Variants in KIF21B observed in about 807,000 individuals in gnomAD.
The protein encoded by KIF21B is kinesin-like protein KIF21B.
A neutral mutation model predicts 192.9 loss-of-function variants in KIF21B; 85 were observed. That is an observed-to-expected ratio of 0.44 (90% CI 0.37 to 0.53). The LOEUF is 0.53. Among genes scored for constraint, KIF21B ranks in the 20% least tolerant of loss-of-function variants. The pLI is 0.00. For missense variants in KIF21B, 1,716 were observed against 2,194.8 expected (o/e 0.78, Z 4.36); for synonymous variants, 832 against 884.6 (o/e 0.94, Z 1.05).
rs527300594 is a variant in KIF21B, at chr1:200,977,386, G to A, written c.4161-10C>T. ...CACCTGGCCCGAGGACCTGCCCATCGGAGAAAGGCAAGGCCAGAGGTCAAA... is the reference window on the plus strand; with the variant it reads ...CACCTGGCCCGAGGACCTGCCCATCAGAGAAAGGCAAGGCCAGAGGTCAAA... On this transcript the variant is annotated splice_polypyrimidine_tract_variant and intron_variant, in intron 30 of 34. Coordinates refer to ENST00000461742, the MANE Select transcript of KIF21B (RefSeq NM_001252102.2). 25 of 1,612,798 alleles carry A rather than the reference G, an allele frequency of 1.6e-5. No homozygotes were observed. Among genetic ancestry groups the A allele is most frequent in the Middle Eastern group, 3.3e-4 (2 of 6,058 alleles).
intron 7 of KIF21B, among the ~76,000 whole-genome samples, chr1:201,004,013 G>C (rs1431200526): frequency 2.6e-5 from 4 of 152,228 alleles, no homozygotes. Flanking sequence ...TGGGGAGGTG[G>C]TGATGCATAA....
chr1:201,000,477 G>C lies in KIF21B; in HGVS notation c.1598C>G (p.Ser533Cys), dbSNP rs1444354136. ...GATCACCTCCGAGGCATCCTCCATG[G>C]AGCTGGCAGGGCTGCCCCCGAAGGC... ...APAFGGSPASSMEDASEVIRR... is the reference protein window; with the variant it reads ...APAFGGSPASCMEDASEVIRR... Residue 533 changes from serine (S) to cysteine (C), a missense_variant, in exon 11 of 35, where the codon TCC becomes TGC. This residue lies in a region of KIF21B where 1,087 missense variants were observed against 1,316.6 expected (regional missense o/e 0.83). Transcript: ENST00000461742. The surrounding 1 kb of genome is among the most constrained non-coding windows in gnomAD (Gnocchi z 6.0). The C allele has an allele frequency of 6.2e-7, 1 of 1,604,842 alleles. No homozygotes were observed. The highest frequency in any genetic ancestry group is 1.7e-5 in the Admixed American group (1 of 58,148).
At chr1:201,014,552 C>G (rs1384334868) in intron 1 of KIF21B, among the ~76,000 whole-genome samples, 1 of 152,208 alleles carries the variant, frequency 6.6e-6, no homozygotes, top group African/African-American at 2.4e-5. Flanking sequence ...CCCTCTCCCG[C>G]GGGCTTAGGA....
chr1:201,012,073 G>A (rs1246839186), intron 1 of KIF21B, among the ~76,000 whole-genome samples: 1 of 152,226 alleles, frequency 6.6e-6, no homozygotes, highest in African/African-American at 2.4e-5. Flanking sequence ...GGAGACCCCA[G>A]GGTTTTAGGG....
intron 15 of KIF21B, among the ~76,000 whole-genome samples, chr1:200,995,306 G>GCCACCAGTGCC: frequency 6.6e-6 from 1 of 152,186 alleles, no homozygotes; most frequent in Non-Finnish European, 1.5e-5. Flanking sequence ...TACTGGGGCT[G>GCCACCAGTGCC]CCACCAGTGC....
At chr1:200,995,985 C>T (rs1321686788) in intron 15 of KIF21B, among the ~76,000 whole-genome samples, 3 of 152,330 alleles carry the variant, frequency 2.0e-5, no homozygotes, top group Non-Finnish European at 2.9e-5. Flanking sequence ...CGCACACTGG[C>T]CCCACTACTG....
chr1:201,002,109 G>T, intron 9 of KIF21B, 52 bp downstream of exon 9: 1 of 1,522,314 alleles, frequency 6.6e-7, no homozygotes, highest in Non-Finnish European at 9.1e-7. Context: ...TGTCGGGGGA[G>T]GGAGTCCTAG....
chr1:201,019,726 C>T lies in KIF21B; in HGVS notation c.41+3617G>A, dbSNP rs530646054. On this transcript the variant is annotated intron_variant, in intron 1 of 34. Coordinates refer to ENST00000461742, the MANE Select transcript of KIF21B (RefSeq NM_001252102.2). The stretch of plus-strand genomic sequence containing the variant: ...GCCACCACCAAGATTCTCAGGTCTC[C>T]ACACAGCCCACATGAGGCCCTGTAT... Among the ~76,000 whole-genome samples, 360 of 152,224 alleles carry T rather than the reference C, an allele frequency of 2.4e-3. 1 individual carries two copies. Among genetic ancestry groups the T allele is most frequent in the African/African-American group, 8.4e-3 (347 of 41,518 alleles).
intron 3 of KIF21B, 91 bp from the exon 4 acceptor site, chr1:201,005,785 A>G: frequency 1.5e-6 from 2 of 1,349,892 alleles, no homozygotes; most frequent in East Asian, 4.7e-5. Flanking sequence ...TGTTTTACAG[A>G]TGTGGAAACT....
Position 200,990,612 on chromosome 1 carries a change from A to G in KIF21B, c.2799T>C (p.Ile933=). The change falls in exon 19 of 35, where the codon ATT becomes ATC. Residue 933 remains isoleucine (I), a synonymous_variant. Transcript: ENST00000461742. The surrounding 1 kb of genome is among the most constrained non-coding windows in gnomAD (Gnocchi z 5.4). ...IIDIVMQRMT[I]VNLEADMERL... ...GCTCCATGTCAGCCTCCAGGTTGACAATGGTCATTCTCTGCATGACGATGT... is the reference window on the plus strand; with the variant it reads ...GCTCCATGTCAGCCTCCAGGTTGACGATGGTCATTCTCTGCATGACGATGT... The G allele has an allele frequency of 6.2e-7, 1 of 1,614,146 alleles. No individual in the cohort carries two copies.
chr1:200,977,373 G>A lies in KIF21B; in HGVS notation c.4164C>T (p.Ser1388=), dbSNP rs1655628578. ...DSAKCIRTLT[S]SGQVISGDAC... ...CATCCCCTGAGATCACCTGGCCCGA[G>A]GACCTGCCCATCGGAGAAAGGCAAG... The change falls in exon 31 of 35, where the codon TCC becomes TCT. Residue 1388 remains serine, a synonymous_variant. Transcript: ENST00000461742. 6.2e-7 allele frequency: 1 copy of A among 1,613,670 alleles called. No individual in the cohort carries two copies. Among genetic ancestry groups the A allele is most frequent in the South Asian group, 1.1e-5 (1 of 91,082 alleles).
At chr1:201,006,514 C>A (rs1417982969) in intron 3 of KIF21B, among the ~76,000 whole-genome samples, 4 of 152,004 alleles carry the variant, frequency 2.6e-5, no homozygotes, top group African/African-American at 7.3e-5. Flanking sequence ...GCTTTGACAG[C>A]CCTAAAGGGA....
At position 201,017,059 on chromosome 1, in the gene KIF21B, C is replaced by T. The variant is rs1010634277; in HGVS notation, c.41+6284G>A. Among the ~76,000 whole-genome samples the T allele has an allele frequency of 2.6e-5, 4 of 152,068 alleles. No homozygotes were observed. Among genetic ancestry groups the T allele is most frequent in the African/African-American group, 9.7e-5 (4 of 41,378 alleles). On this transcript the variant is annotated intron_variant, in intron 1 of 34. Coordinates refer to ENST00000461742, the MANE Select transcript of KIF21B (RefSeq NM_001252102.2). This position sits in a 1 kb window ranked among gnomAD's most constrained non-coding sequence, Gnocchi z 4.1. ...CCCCCTCCTCTTGAGTGTCCTTGACCTTACTAGGGTCTTGGCCACTGGCTT... is the reference window on the plus strand; with the variant it reads ...CCCCCTCCTCTTGAGTGTCCTTGACTTTACTAGGGTCTTGGCCACTGGCTT...
intron 21 of KIF21B, among the ~76,000 whole-genome samples, chr1:200,989,325 C>T (rs185060640): frequency 2.0e-5 from 3 of 152,258 alleles, no homozygotes; most frequent in South Asian, 2.1e-4. Flanking sequence ...AGACACAAAG[C>T]GGAGCTGAGA....
In KIF21B at chr1:200,979,817, C is replaced by T. The variant is rs1260966136; in HGVS notation, c.3980-102G>A. The T allele has an allele frequency of 3.3e-5, 31 of 930,082 alleles. No individual in the cohort carries two copies. The East Asian group carries it at 6.4e-4, about 19-fold the overall frequency. The allele number at this position is 930,082 out of a possible 1,614,324, so 57.6% of individuals were successfully genotyped here. A position where few individuals can be genotyped will look rare whatever the true frequency, so the allele number is the denominator to read the frequency against. ...GCTGCCCAGGATAGGGGAAAGGGATCCACAGGGCTCCAGAGGACGGAGCTC... is the reference window on the plus strand; with the variant it reads ...GCTGCCCAGGATAGGGGAAAGGGATTCACAGGGCTCCAGAGGACGGAGCTC... On this transcript the variant is annotated intron_variant, in intron 29 of 34. Transcript: ENST00000461742.
rs139203326 is a variant in KIF21B at position 200,991,460 on chromosome 1, T to C, written c.2454+197A>G. ...CAATTTGGACACCAAATATGCTTGC[T>C]GAATGGAAGGAGGGAGAGCCAGGGC... On this transcript the variant is annotated intron_variant, in intron 17 of 34. Transcript: ENST00000461742. 3.8e-3 allele frequency among the ~76,000 whole-genome samples: 574 copies of C among 152,344 alleles called. 22 individuals carry two copies. Among genetic ancestry groups the C allele is most frequent in the Admixed American group, 0.034 (522 of 15,298 alleles).
chr1:200,990,376 C>T lies in KIF21B; in HGVS notation c.2836-44G>A. ...GTGGTGATTGTGATGAAGGAGAGGCCTCAGGTAGCTGCCAAGCCCTGCCCA... is the reference window on the plus strand; with the variant it reads ...GTGGTGATTGTGATGAAGGAGAGGCTTCAGGTAGCTGCCAAGCCCTGCCCA... On this transcript the variant is annotated intron_variant, in intron 19 of 34. Transcript: ENST00000461742. The surrounding 1 kb of genome is among the most constrained non-coding windows in gnomAD (Gnocchi z 5.4). 1 of 1,549,534 alleles carries T rather than the reference C, an allele frequency of 6.5e-7. No individual in the cohort carries two copies. Among genetic ancestry groups the T allele is most frequent in the South Asian group, 1.2e-5 (1 of 84,704 alleles).
At chr1:201,019,241 A>AT (rs59608162) in intron 1 of KIF21B, among the ~76,000 whole-genome samples, 5,835 of 152,096 alleles carry the variant, frequency 0.038, 246 homozygotes, top group East Asian at 0.12. Context: ...CCTAGGACCC[A>AT]TTTTTTTTAA....
chr1:201,009,554 TCA>T, intron 1 of KIF21B, 66 bp from the exon 2 acceptor site: 1 of 1,439,664 alleles, frequency 6.9e-7, no homozygotes. Flanking sequence ...GGCCCCTCCC[TCA>T]CACTGCCTGC....
Sources: allele counts gnomAD v4.1 joint callset (sites outside exome capture counted in the v4.1 genomes callset), GRCh38; gene constraint gnomAD v4.1.1; regional missense constraint gnomAD v4.1.1; non-coding constraint Gnocchi (gnomAD v3.1); transcripts MANE v1.5; gene names NCBI Gene and HGNC (gene_info 2026-07-23, HGNC 2026-07-21).